ZMYM2: variants seen among roughly 807,000 people sequenced by gnomAD.
ZMYM2 encodes zinc finger MYM-type containing 2.
A neutral mutation model predicts 162.8 loss-of-function variants in ZMYM2; 56 were observed. That is an observed-to-expected ratio of 0.34 (90% CI 0.28 to 0.43). ZMYM2 has a LOEUF of 0.43. Ranked by LOEUF, ZMYM2 falls within the 20% of genes least tolerant of loss-of-function variation. The pLI, the probability that ZMYM2 is intolerant of heterozygous loss-of-function variation, is 1.00. For synonymous variants in ZMYM2, 510 were observed against 541.6 expected (o/e 0.94, Z 0.81); for missense variants, 1,275 against 1,621.8 (o/e 0.79, Z 3.67).
In ZMYM2 at chr13:20,019,385, C is replaced by T. The variant is rs138757006; in HGVS notation, c.1513-162C>T. On this transcript the variant is annotated intron_variant, in intron 6 of 24. Coordinates refer to ENST00000610343, the MANE Select transcript of ZMYM2 (RefSeq NM_197968.4). ...TTTGATAATTCTTTAAGTTGGGCAACAGTAGTGGGGACAGGACAGGCAGAC... is the reference window on the plus strand; with the variant it reads ...TTTGATAATTCTTTAAGTTGGGCAATAGTAGTGGGGACAGGACAGGCAGAC... Among the ~76,000 whole-genome samples the T allele has an allele frequency of 6.0e-3, 907 of 152,218 alleles. 4 individuals carry two copies. Among genetic ancestry groups the T allele is most frequent in the Non-Finnish European group, 9.1e-3 (616 of 67,994 alleles).
intron 6 of ZMYM2, 43 bp from the exon 7 acceptor site, chr13:20,019,504 T>A (rs759456211): frequency 6.8e-7 from 1 of 1,481,310 alleles, no homozygotes; most frequent in Non-Finnish European, 9.1e-7. Context: ...GTAGCAGCTA[T>A]TCTTTATGTG....
chr13:19,989,803 C>T (rs1949463265), intron 2 of ZMYM2, among the ~76,000 whole-genome samples: 1 of 152,224 alleles, frequency 6.6e-6, no homozygotes, highest in Non-Finnish European at 1.5e-5. Flanking sequence ...CCTTCTCAGC[C>T]TTTGCTAAGC....
rs373698674 is a variant in ZMYM2, at chr13:19,993,219, T to C, written c.147T>C (p.Phe49=). 2.9e-5 allele frequency: 47 copies of C among 1,613,836 alleles called. No individual in the cohort carries two copies. Among genetic ancestry groups the C allele is most frequent in the Non-Finnish European group, 3.9e-5 (46 of 1,179,884 alleles). ...ANPLVSRSNK[F]QNSSVEDDDD... is the part of the protein sequence containing the mutation. ...CTTTAGTGTCTAGATCTAATAAGTT[T>C]CAGAACTCGTCAGTGGAAGATGATG... Residue 49 remains phenylalanine (F), a synonymous_variant, in exon 3 of 25, where the codon TTT becomes TTC. Coordinates refer to ENST00000610343, the MANE Select transcript of ZMYM2 (RefSeq NM_197968.4).
chr13:19,896,845 C>T, the ZMYM2 span, among the ~76,000 whole-genome samples: 3 of 150,778 alleles, frequency 2.0e-5, no homozygotes, highest in Non-Finnish European at 4.4e-5. Flanking sequence ...GAGGCCGAGG[C>T]GGGTGGATCA....
At chr13:19,952,409 C>T in the ZMYM2 span, among the ~76,000 whole-genome samples, 3 of 151,976 alleles carry the variant, frequency 2.0e-5, no homozygotes, top group Admixed American at 2.0e-4. Flanking sequence ...GTTTCTACCA[C>T]AAAAAATAAT....
At chr13:19,901,491 C>T in the ZMYM2 span, among the ~76,000 whole-genome samples, 4 of 152,090 alleles carry the variant, frequency 2.6e-5, no homozygotes, top group African/African-American at 9.7e-5. Flanking sequence ...ACCTCTCCCC[C>T]ACTAACTTTT....
At chr13:19,927,997 C>A in the ZMYM2 span, among the ~76,000 whole-genome samples, 2 of 151,712 alleles carry the variant, frequency 1.3e-5, no homozygotes, top group African/African-American at 4.8e-5. Flanking sequence ...GTGCCTTTTT[C>A]TTATTTATTT....
intron 3 of ZMYM2, among the ~76,000 whole-genome samples, chr13:19,994,437 A>G (rs1949864859): frequency 6.6e-6 from 1 of 152,232 alleles, no homozygotes; most frequent in African/African-American, 2.4e-5. Context: ...TAGAGAACCA[A>G]AAGATTAATA....
chr13:19,946,204 T>G, the ZMYM2 span, among the ~76,000 whole-genome samples: 1 of 152,202 alleles, frequency 6.6e-6, no homozygotes, highest in East Asian at 1.9e-4. Context: ...CAGGGTTATA[T>G]GCTTAAGGTT....
intron 21 of ZMYM2, among the ~76,000 whole-genome samples, chr13:20,073,832 T>TC (rs906302896): frequency 4.0e-5 from 6 of 151,888 alleles, no homozygotes; most frequent in African/African-American, 1.2e-4. Flanking sequence ...AGTTTTTTTT[T>TC]CTCTCAGTTT....
chr13:20,058,492 A>G (rs868054390), intron 14 of ZMYM2, 83 bp from the exon 15 acceptor site: 2 of 1,492,622 alleles, frequency 1.3e-6, no homozygotes, highest in Middle Eastern at 1.8e-4. Flanking sequence ...TTCCCTTCTT[A>G]GGACTGAAAA....
At chr13:19,964,354 C>T (rs1955549600) in intron 2 of ZMYM2, among the ~76,000 whole-genome samples, 1 of 150,668 alleles carries the variant, frequency 6.6e-6, no homozygotes, top group Non-Finnish European at 1.5e-5. Context: ...CCAGCCTGGG[C>T]AATAGAGTGA....
rs754728724 is a variant in ZMYM2 at position 20,006,484 on chromosome 13, T to A, written c.1410T>A (p.Cys470Ter). 1 of 1,613,708 alleles carries A rather than the reference T, an allele frequency of 6.2e-7. No individual in the cohort carries two copies. Among genetic ancestry groups the A allele is most frequent in the Non-Finnish European group, 8.5e-7 (1 of 1,179,770 alleles). The change falls in exon 6 of 25, where the codon TGT becomes TGA. Residue 470 changes from cysteine (C) to a stop codon, truncating the protein, a stop_gained. Transcript: ENST00000610343. LOFTEE classifies it high-confidence loss of function. ...NGLIMNCCEQ[C>*]GEYLPSKGAG... The stretch of plus-strand genomic sequence containing the variant: ...TAATAATGAATTGCTGTGAACAGTG[T>A]GGAGAGTACTTGCCCAGTAAAGGTG...
At chr13:20,050,279 C>CTGTT (rs1483710622) in intron 12 of ZMYM2, among the ~76,000 whole-genome samples, 1 of 151,768 alleles carries the variant, frequency 6.6e-6, no homozygotes, top group Non-Finnish European at 1.5e-5. Flanking sequence ...TATGTAAGAC[C>CTGTT]TGTTTGTCAA....
At chr13:19,883,527 T>C in the ZMYM2 span, among the ~76,000 whole-genome samples, 3 of 149,988 alleles carry the variant, frequency 2.0e-5, no homozygotes, top group Admixed American at 6.6e-5. Flanking sequence ...AGTTGTGAGA[T>C]GATTATTTAA....
At chr13:20,007,040 C>G (rs1267030849) in intron 6 of ZMYM2, among the ~76,000 whole-genome samples, 2 of 152,146 alleles carry the variant, frequency 1.3e-5, no homozygotes, top group African/African-American at 4.8e-5. Context: ...TTTATTTCCT[C>G]TTTGGGAGTT....
At chr13:20,026,875 A>C (rs904464001) in intron 8 of ZMYM2, 113 bp downstream of exon 8, 2 of 1,139,780 alleles carry the variant, frequency 1.8e-6, no homozygotes, top group East Asian at 2.8e-5. Flanking sequence ...ATTTTATATT[A>C]ATCTTTTTGA....
At chr13:19,920,736 G>GTGTA in the ZMYM2 span, among the ~76,000 whole-genome samples, 13,683 of 149,870 alleles carry the variant, frequency 0.091, 700 homozygotes, top group Middle Eastern at 0.17. Context: ...TCATTTATGT[G>GTGTA]TGTATGTATG....
upstream of ZMYM2, among the ~76,000 whole-genome samples, chr13:19,954,528 A>G (rs1954476300): frequency 1.3e-5 from 2 of 152,160 alleles, no homozygotes; most frequent in Admixed American, 1.3e-4. Context: ...TCTGGAGCCA[A>G]GAATCCTAGG....
Sources: gnomAD v4.1 joint callset for allele counts (sites outside exome capture counted in the v4.1 genomes callset) on GRCh38, gnomAD v4.1.1 for gene constraint, MANE v1.5 for transcripts, NCBI Gene and HGNC (gene_info 2026-07-23, HGNC 2026-07-21) for gene names.